The following TADA2A variants were observed in gnomAD, a reference collection of about 807,000 sequenced individuals.
TADA2A encodes transcriptional adaptor 2A.
A neutral mutation model predicts 67.4 loss-of-function variants in TADA2A; 38 were observed. The observed-to-expected ratio is 0.56, with a 90% CI of 0.44 to 0.74. The LOEUF is 0.74. Ranked by LOEUF, TADA2A falls within the 30% of genes least tolerant of loss-of-function variation. TADA2A has a pLI of 0.00. For synonymous variants in TADA2A, 192 were observed against 181.6 expected, an observed-to-expected ratio of 1.06 and a Z score of -0.46; for missense variants, 454 against 547.0, an observed-to-expected ratio of 0.83 and a Z score of 1.70.
At chr17:37,441,678 T>TC (rs1277925992) in intron 6 of TADA2A, among the ~76,000 whole-genome samples, 1 of 151,638 alleles carries the variant, frequency 6.6e-6, no homozygotes, top group Non-Finnish European at 1.5e-5. Context: ...CTTTTTTTTT[T>TC]TTTTTGGAGA....
chr17:37,467,334 C>G (rs1005900267), intron 11 of TADA2A, 120 bp from the exon 12 acceptor site: 2 of 750,178 alleles, frequency 2.7e-6, no homozygotes, highest in Admixed American at 3.0e-5. Flanking sequence ...GTAGGATTCT[C>G]CAAATGAACT....
chr17:37,414,732 CAGTG>C (rs552847572), intron 2 of TADA2A, among the ~76,000 whole-genome samples: 2 of 152,098 alleles, frequency 1.3e-5, no homozygotes, highest in Non-Finnish European at 1.5e-5. Context: ...TGTCTCTACT[CAGTG>C]AGAACCCTGG....
At chr17:37,441,228 A>G (rs1399646224) in intron 6 of TADA2A, among the ~76,000 whole-genome samples, 12 of 152,244 alleles carry the variant, frequency 7.9e-5, no homozygotes, top group Non-Finnish European at 1.5e-5. Context: ...AGTCCTTTGA[A>G]CATATCAGTT....
chr17:37,467,088 G>T (rs1343520712), intron 11 of TADA2A, among the ~76,000 whole-genome samples: 2 of 152,124 alleles, frequency 1.3e-5, no homozygotes, highest in African/African-American at 2.4e-5. Flanking sequence ...AACCCGGGAG[G>T]TGGAGGTTGC....
At chr17:37,414,425 T>TC (rs990578798) in intron 2 of TADA2A, among the ~76,000 whole-genome samples, 7 of 151,960 alleles carry the variant, frequency 4.6e-5, no homozygotes, top group Non-Finnish European at 1.0e-4. Context: ...CATCCTGTAC[T>TC]CCCCCCGCCC....
rs8067394 is a variant in TADA2A, at chr17:37,462,191, C to T, written c.712+70C>T. On this transcript the variant is annotated intron_variant, in intron 10 of 15. Coordinates refer to ENST00000615182, the MANE Select transcript of TADA2A (RefSeq NM_001166105.3). ...TTATTGAATAATTTTAAATAAATCA[C>T]GTATTGTAGTTCTTAATCCAAGTTG... is the stretch of plus-strand genomic sequence containing the variant. 9 of 1,065,938 alleles carry T rather than the reference C, an allele frequency of 8.4e-6. No individual in the cohort carries two copies. The East Asian group carries it at 1.6e-4, about 18-fold the overall frequency. 66.0% of individuals were successfully genotyped at this position (1,065,938 alleles called of 1,614,324 possible).
chr17:37,471,013 A>T (rs2053775212), intron 13 of TADA2A, 81 bp from the exon 14 acceptor site: 2 of 1,415,214 alleles, frequency 1.4e-6, no homozygotes, highest in East Asian at 4.6e-5. Context: ...TACCTGATAA[A>T]TGGCACCCAG....
chr17:37,444,687 C>A lies in TADA2A; in HGVS notation c.532-9C>A. 2 of 1,612,964 alleles carry A rather than the reference C, an allele frequency of 1.2e-6. No homozygotes were observed. Among genetic ancestry groups the A allele is most frequent in the South Asian group, 2.2e-5 (2 of 90,876 alleles). On this transcript the variant is annotated splice_polypyrimidine_tract_variant and intron_variant, in intron 7 of 15. Transcript: ENST00000615182. ...TTTGGGGTGGGGATTTTTTTGTTCC[C>A]CTAAACAGGAATTTGACAATTATGC...
At chr17:37,444,642 C>T (rs1351159431) in intron 7 of TADA2A, 54 bp from the exon 8 acceptor site, 1 of 1,444,782 alleles carries the variant, frequency 6.9e-7, no homozygotes, top group African/African-American at 1.4e-5. Flanking sequence ...GCTGTAAAGA[C>T]ACTAATCAAA....
At position 37,475,634 on chromosome 17, in the gene TADA2A, T is replaced by G. The variant is rs533440762; in HGVS notation, c.1146+1005T>G. Among the ~76,000 whole-genome samples the G allele has an allele frequency of 2.0e-5, 3 of 152,026 alleles. No homozygotes were observed. The South Asian group carries it at 6.3e-4, about 32-fold the overall frequency. On this transcript the variant is annotated intron_variant, in intron 15 of 15. Transcript: ENST00000615182. ...GCGCATACCACCACACCCGGCTAAT[T>G]TTTGTATTTTTAGTAGAGACGGGGT...
intron 9 of TADA2A, 84 bp downstream of exon 9, chr17:37,458,671 GTGTC>G (rs1274023332): frequency 1.5e-4 from 131 of 894,356 alleles, no homozygotes; most frequent in African/African-American, 2.0e-4. Flanking sequence ...GTGTGTGTGT[GTGTC>G]TGTGTCTGTG....
chr17:37,458,550 T>TG lies in TADA2A; in HGVS notation c.631_632insG (p.Tyr211Ter). The TG allele has an allele frequency of 6.2e-7, 1 of 1,613,136 alleles. No individual in the cohort carries two copies. The highest frequency in any genetic ancestry group is 8.5e-7 in the Non-Finnish European group (1 of 1,179,556). The change falls in exon 9 of 16, where the codon TAT becomes TGAT. Residue 211 changes from tyrosine to a stop codon, truncating the protein, a stop_gained and frameshift_variant. Transcript: ENST00000615182. LOFTEE classifies it high-confidence loss of function. ...HALKMAVVDI[Y>*]HSRLKERQRR... is the part of the protein sequence containing the mutation. ...TCTGAAGATGGCTGTGGTAGATATC[T>TG]ATCATTCCAGGTTAAAGGAGAGACA...
intron 1 of TADA2A, among the ~76,000 whole-genome samples, chr17:37,408,212 A>G (rs2051699648): frequency 6.6e-6 from 1 of 151,980 alleles, no homozygotes. Flanking sequence ...TCGAGTGTTG[A>G]TCAGTCCCTA....
Position 37,448,093 on chromosome 17 carries a change from G to A in TADA2A, c.604+3325G>A, listed in dbSNP as rs979413833. Reference sequence around the variant, plus strand: ...TGTTACCATTCCATTATACCATTATGCTCTTAATATTACTGAGCATTAACA... The same window carrying A: ...TGTTACCATTCCATTATACCATTATACTCTTAATATTACTGAGCATTAACA... On this transcript the variant is annotated intron_variant, in intron 8 of 15. Transcript: ENST00000615182. 7.2e-5 allele frequency among the ~76,000 whole-genome samples: 11 copies of A among 152,250 alleles called. No individual in the cohort carries two copies. In the East Asian group the frequency reaches 1.9e-3, roughly 27 times the overall value.
chr17:37,441,026 C>T lies in TADA2A; in HGVS notation c.442+364C>T, dbSNP rs762658622. Among the ~76,000 whole-genome samples the T allele has an allele frequency of 8.6e-5, 13 of 150,430 alleles. 1 individual carries two copies. Among genetic ancestry groups the T allele is most frequent in the South Asian group, 2.1e-4 (1 of 4,778 alleles). On this transcript the variant is annotated intron_variant, in intron 6 of 15. Transcript: ENST00000615182. ...AGGAGAATCACTTGAACCGGGTAGG[C>T]GGAGATTGCAGTGAGCCAAGATCAC...
chr17:37,465,589 A>G (rs2053647623), intron 11 of TADA2A, 48 bp downstream of exon 11: 2 of 1,610,610 alleles, frequency 1.2e-6, no homozygotes, highest in African/African-American at 1.3e-5. Flanking sequence ...GTATATTTAT[A>G]TAAATAGGAG....
intron 2 of TADA2A, among the ~76,000 whole-genome samples, chr17:37,416,585 G>A (rs946862439): frequency 1.3e-5 from 2 of 151,712 alleles, no homozygotes; most frequent in Non-Finnish European, 1.5e-5. Flanking sequence ...AGCCTCACTC[G>A]GCCACACATG....
intron 1 of TADA2A, among the ~76,000 whole-genome samples, chr17:37,410,957 C>T (rs528673723): frequency 1.2e-4 from 18 of 152,270 alleles, no homozygotes; most frequent in African/African-American, 3.8e-4. Context: ...GCCCCTGCCA[C>T]CCTCAGTGCC....
intron 14 of TADA2A, 33 bp downstream of exon 14, chr17:37,471,170 T>A (rs1172807749): frequency 6.2e-7 from 1 of 1,610,052 alleles, no homozygotes; most frequent in African/African-American, 1.3e-5. Context: ...CAAGTCTTAA[T>A]TGTGAAGTTT....
Sources: allele counts gnomAD v4.1 joint callset (sites outside exome capture counted in the v4.1 genomes callset), GRCh38; gene constraint gnomAD v4.1.1; transcripts MANE v1.5; gene names NCBI Gene and HGNC (gene_info 2026-07-23, HGNC 2026-07-21).